The following EVI5 variants were observed in gnomAD, a reference collection of about 807,000 sequenced individuals.
EVI5 encodes ecotropic viral integration site 5, also known as ecotropic viral integration site 5 protein homolog.
Under a neutral mutation model 112.0 loss-of-function variants are expected in EVI5, and 73 were observed. The ratio of observed to expected loss-of-function variants is 0.65; its 90% CI spans 0.54 to 0.79. The LOEUF (loss-of-function observed/expected upper bound fraction) is 0.79. Among genes scored for constraint, EVI5 ranks in the 30% least tolerant of loss-of-function variants. The probability of loss-of-function intolerance (pLI) is 0.00; values close to 1 mark genes in which losing one functional copy is unlikely to be tolerated. For missense variants in EVI5, 900 were observed against 968.8 expected (o/e 0.93, Z 0.94); for synonymous variants, 305 against 319.9 (o/e 0.95, Z 0.50).
intron 15 of EVI5, 115 bp downstream of exon 15, chr1:92,625,679 G>C (rs773733079): frequency 4.0e-6 from 3 of 755,694 alleles, no homozygotes; most frequent in Non-Finnish European, 6.5e-6. Context: ...ATTAAACAGG[G>C]TCTCTCTCAC....
chr1:92,556,332 G>A lies in EVI5; in HGVS notation c.2166+7310C>T, dbSNP rs1234115990. 9.9e-5 allele frequency among the ~76,000 whole-genome samples: 15 copies of A among 152,054 alleles called. No individual in the cohort carries two copies. The East Asian group carries it at 2.7e-3, about 27-fold the overall frequency. ...CCGCCTCGGCTTCCCAAAGTGTTGGGATTACAGGCGTGAGCCACTGCTTTA... is the reference window on the plus strand; with the variant it reads ...CCGCCTCGGCTTCCCAAAGTGTTGGAATTACAGGCGTGAGCCACTGCTTTA... On this transcript the variant is annotated intron_variant, in intron 19 of 19. Transcript: ENST00000684568.
chr1:92,643,314 T>A (rs1010192715), intron 13 of EVI5, among the ~76,000 whole-genome samples: 3 of 71,026 alleles, frequency 4.2e-5, no homozygotes, highest in East Asian at 4.4e-4. Flanking sequence ...TTTTTTTTTT[T>A]AAAGAGATAG....
intron 10 of EVI5, among the ~76,000 whole-genome samples, chr1:92,669,654 T>C (rs1285652904): frequency 6.6e-6 from 1 of 151,944 alleles, no homozygotes; most frequent in Non-Finnish European, 1.5e-5. Flanking sequence ...AGTTTTCCAG[T>C]GTTTGTTAGG....
chr1:92,587,877 C>A (rs1463978263), intron 18 of EVI5, among the ~76,000 whole-genome samples: 1 of 152,152 alleles, frequency 6.6e-6, no homozygotes, highest in Non-Finnish European at 1.5e-5. Flanking sequence ...AACATAGTTA[C>A]AAAAATCAAT....
chr1:92,549,440 A>G (rs1444993140), intron 19 of EVI5, among the ~76,000 whole-genome samples: 5 of 151,792 alleles, frequency 3.3e-5, no homozygotes, highest in Admixed American at 6.6e-5. Flanking sequence ...AGGCATGGGC[A>G]AGGACTTCAT....
intron 15 of EVI5, 72 bp downstream of exon 15, chr1:92,625,722 T>C (rs1655520477): frequency 7.1e-7 from 1 of 1,403,070 alleles, no homozygotes. Flanking sequence ...CATCAGGTAC[T>C]TCAAACTCTT....
intron 19 of EVI5, among the ~76,000 whole-genome samples, chr1:92,535,912 AAAAAAG>A (rs1473062292): frequency 6.6e-6 from 1 of 152,162 alleles, no homozygotes; most frequent in Non-Finnish European, 1.5e-5. Context: ...GTATAATAAA[AAAAAAG>A]AAAAAGCCCT....
intron 18 of EVI5, among the ~76,000 whole-genome samples, chr1:92,589,064 G>A (rs1049025602): frequency 6.6e-6 from 1 of 152,152 alleles, no homozygotes; most frequent in Non-Finnish European, 1.5e-5. Context: ...AGAGATACAC[G>A]AAATCAGGTA....
At chr1:92,611,122 TCCC>T (rs775948696) in intron 16 of EVI5, among the ~76,000 whole-genome samples, 2 of 140,272 alleles carry the variant, frequency 1.4e-5, no homozygotes, top group African/African-American at 2.5e-5. Context: ...AAAAAATAAA[TCCC>T]CCCAAAAAAA....
rs554187566 is a variant in EVI5, at chr1:92,754,130, A to C, written c.-81-17503T>G. Among the ~76,000 whole-genome samples, 4 of 152,352 alleles carry C rather than the reference A, an allele frequency of 2.6e-5. No individual in the cohort carries two copies. In the South Asian group the frequency reaches 8.3e-4, roughly 32 times the overall value. On this transcript the variant is annotated intron_variant, in intron 1 of 19. Coordinates refer to ENST00000684568, the MANE Select transcript of EVI5 (RefSeq NM_001350197.2). ...GCTTACTTTAACTACTATTCAGAAG[A>C]AACAATGTGGTCTTTACATGCTATC... is the stretch of plus-strand genomic sequence containing the variant.
intron 4 of EVI5, among the ~76,000 whole-genome samples, chr1:92,702,927 T>C (rs1207303213): frequency 6.6e-6 from 1 of 152,030 alleles, no homozygotes; most frequent in Non-Finnish European, 1.5e-5. Flanking sequence ...TTCAAAGAAG[T>C]AGCTAAAAGA....
chr1:92,542,578 T>A (rs902395188), intron 19 of EVI5, among the ~76,000 whole-genome samples: 12 of 152,196 alleles, frequency 7.9e-5, no homozygotes, highest in African/African-American at 2.9e-4. Context: ...CCCAAATCCA[T>A]TAGAGGAATC....
intron 1 of EVI5, among the ~76,000 whole-genome samples, chr1:92,777,217 C>T (rs1391001470): frequency 4.6e-5 from 7 of 152,090 alleles, no homozygotes; most frequent in East Asian, 3.9e-4. Context: ...GGATTACAGG[C>T]GTGAGCCACC....
intron 2 of EVI5, among the ~76,000 whole-genome samples, chr1:92,726,531 T>C (rs1385822311): frequency 6.6e-6 from 1 of 152,088 alleles, no homozygotes; most frequent in Non-Finnish European, 1.5e-5. Context: ...AAATAATTCA[T>C]CACCAATACC....
At chr1:92,545,408 T>C (rs1366414816) in intron 19 of EVI5, among the ~76,000 whole-genome samples, 1 of 70,718 alleles carries the variant, frequency 1.4e-5, no homozygotes, top group Non-Finnish European at 2.8e-5. Flanking sequence ...ATCAAACTAC[T>C]TGATGTAAAA....
intron 1 of EVI5, among the ~76,000 whole-genome samples, chr1:92,770,297 C>T (rs937744946): frequency 6.6e-5 from 10 of 152,208 alleles, no homozygotes; most frequent in African/African-American, 2.4e-4. Context: ...AGCTGTATAG[C>T]ATTCCATCAT....
At chr1:92,548,143 T>G (rs150029429) in intron 19 of EVI5, among the ~76,000 whole-genome samples, 2,492 of 152,232 alleles carry the variant, frequency 0.016, 56 homozygotes, top group Non-Finnish European at 0.02. Flanking sequence ...ACAAACCTTA[T>G]CCACCATGAT....
At chr1:92,704,182 C>T (rs1671632514) in intron 3 of EVI5, among the ~76,000 whole-genome samples, 1 of 151,972 alleles carries the variant, frequency 6.6e-6, no homozygotes, top group Non-Finnish European at 1.5e-5. Flanking sequence ...GGTGTGGTGA[C>T]ACACACCTGT....
intron 1 of EVI5, among the ~76,000 whole-genome samples, chr1:92,779,470 C>T (rs1167006580): frequency 6.6e-6 from 1 of 151,254 alleles, no homozygotes; most frequent in East Asian, 1.9e-4. Flanking sequence ...TGCAGTGAGC[C>T]GAGATCACGC....
Sources: gnomAD v4.1 joint callset for allele counts (sites outside exome capture counted in the v4.1 genomes callset) on GRCh38, gnomAD v4.1.1 for gene constraint, MANE v1.5 for transcripts, NCBI Gene and HGNC (gene_info 2026-07-23, HGNC 2026-07-21) for gene names.